Variants in ERC2 observed in about 807,000 individuals in gnomAD.
ERC2 encodes the protein ELKS/RAB6-interacting/CAST family member 2.
A neutral mutation model predicts 114.8 loss-of-function variants in ERC2; 42 were observed. That is an observed-to-expected ratio of 0.37 (90% CI 0.29 to 0.47). The LOEUF (loss-of-function observed/expected upper bound fraction) is 0.47, where lower values mean the gene tolerates loss of function less well. ERC2 is among the 20% of genes least tolerant of loss of function. ERC2 has a pLI of 0.99. For synonymous variants in ERC2, 454 were observed against 425.5 expected (o/e 1.07, Z -0.82); for missense variants, 939 against 1,150.7 (o/e 0.82, Z 2.66).
At chr3:56,456,171 G>T (rs1029248664) in intron 1 of ERC2, among the ~76,000 whole-genome samples, 5 of 152,196 alleles carry the variant, frequency 3.3e-5, no homozygotes, top group Non-Finnish European at 5.9e-5. Flanking sequence ...TTTAACAAAT[G>T]AAACCATGGG....
At chr3:55,932,292 T>A (rs190034617) in intron 13 of ERC2, among the ~76,000 whole-genome samples, 1 of 152,344 alleles carries the variant, frequency 6.6e-6, no homozygotes, top group Non-Finnish European at 1.5e-5. Context: ...AGAATTTCTA[T>A]GTACCGAGAA....
chr3:55,865,408 G>T (rs546245328), intron 14 of ERC2, among the ~76,000 whole-genome samples: 1 of 151,966 alleles, frequency 6.6e-6, no homozygotes, highest in African/African-American at 2.4e-5. Flanking sequence ...ACTATAACTC[G>T]TATGTCTTTG....
At chr3:55,605,019 C>A (rs187102300) in intron 17 of ERC2, among the ~76,000 whole-genome samples, 1 of 152,302 alleles carries the variant, frequency 6.6e-6, no homozygotes, top group East Asian at 1.9e-4. Flanking sequence ...TGCGAGGATG[C>A]CAGTGGCTCT....
intron 14 of ERC2, among the ~76,000 whole-genome samples, chr3:55,810,682 A>C (rs2059687793): frequency 6.6e-6 from 1 of 151,880 alleles, no homozygotes; most frequent in Admixed American, 6.6e-5. Flanking sequence ...CTGGTCTCAA[A>C]CTCCTGACCT....
intron 2 of ERC2, among the ~76,000 whole-genome samples, chr3:56,428,604 A>G (rs1017014362): frequency 4.6e-5 from 7 of 151,830 alleles, no homozygotes; most frequent in Non-Finnish European, 4.4e-5. Flanking sequence ...TTATACAAAT[A>G]AAACAAAGCA....
chr3:56,074,023 T>C (rs181109309), intron 7 of ERC2, among the ~76,000 whole-genome samples: 392 of 152,294 alleles, frequency 2.6e-3, no homozygotes, highest in Non-Finnish European at 4.5e-3. Flanking sequence ...AAAATTACAT[T>C]ATTTAGTGGC....
At chr3:55,640,733 G>C (rs2060142627) in intron 17 of ERC2, among the ~76,000 whole-genome samples, 1 of 152,164 alleles carries the variant, frequency 6.6e-6, no homozygotes, top group Admixed American at 6.5e-5. Flanking sequence ...GTCCTGTGTA[G>C]CTCAGCTACC....
At chr3:56,354,539 C>G (rs554269778) in intron 2 of ERC2, among the ~76,000 whole-genome samples, 52 of 152,238 alleles carry the variant, frequency 3.4e-4, no homozygotes, top group African/African-American at 1.1e-3. Flanking sequence ...GATTATCCAG[C>G]CCAAAGTATC....
At chr3:55,731,147 G>A (rs1313090641) in intron 15 of ERC2, among the ~76,000 whole-genome samples, 1 of 152,180 alleles carries the variant, frequency 6.6e-6, no homozygotes, top group Non-Finnish European at 1.5e-5. Flanking sequence ...TGGGGTCCAG[G>A]GTTTCTGACA....
In ERC2 at chr3:56,041,950, C is replaced by T. The variant is rs2075216946; in HGVS notation, c.1642-22919G>A. 3.3e-5 allele frequency among the ~76,000 whole-genome samples: 5 copies of T among 151,530 alleles called. No individual in the cohort carries two copies. In the South Asian group the frequency reaches 1.0e-3, roughly 32 times the overall value. ...TTAAAAACAGATTATTTTTCACTTA[C>T]TCTTTGAAAATACCATCAATGATTT... On this transcript the variant is annotated intron_variant, in intron 7 of 17. Coordinates refer to ENST00000288221, the MANE Select transcript of ERC2 (RefSeq NM_015576.3).
At chr3:55,804,105 T>C (rs947063240) in intron 14 of ERC2, among the ~76,000 whole-genome samples, 1 of 152,228 alleles carries the variant, frequency 6.6e-6, no homozygotes, top group Admixed American at 6.5e-5. Context: ...TTTTCAAATA[T>C]TAGAAAGTCT....
In ERC2 at chr3:55,712,399, G is replaced by A. The variant is rs62249282; in HGVS notation, c.2713-12887C>T. 9.3e-3 allele frequency among the ~76,000 whole-genome samples: 1,423 copies of A among 152,322 alleles called. 12 individuals carry two copies. Among genetic ancestry groups the A allele is most frequent in the Middle Eastern group, 0.024 (7 of 294 alleles). On this transcript the variant is annotated intron_variant, in intron 15 of 17. Coordinates refer to ENST00000288221, the MANE Select transcript of ERC2 (RefSeq NM_015576.3). ...AAGAGAAAAGGGGGGAAAGTGGTAG[G>A]TAGTTGATATGCTGGGATGTGAACA...
intron 13 of ERC2, among the ~76,000 whole-genome samples, chr3:55,920,606 C>A (rs900159989): frequency 1.3e-5 from 2 of 152,020 alleles, no homozygotes; most frequent in Admixed American, 6.6e-5. Flanking sequence ...TATCTTAATT[C>A]TATTTTAATA....
chr3:56,051,392 G>C lies in ERC2; in HGVS notation c.1641+29425C>G, dbSNP rs568770262. The stretch of plus-strand genomic sequence containing the variant: ...GAAACTTGGCAAATAATGATGGACT[G>C]CCTTCACACATATTTTTTAGAAAAA... On this transcript the variant is annotated intron_variant, in intron 7 of 17. Coordinates refer to ENST00000288221, the MANE Select transcript of ERC2 (RefSeq NM_015576.3). Among the ~76,000 whole-genome samples, 6 of 152,250 alleles carry C rather than the reference G, an allele frequency of 3.9e-5. No homozygotes were observed. In the East Asian group the frequency reaches 9.7e-4, roughly 25 times the overall value.
At chr3:56,241,062 A>C (rs1437967922) in intron 3 of ERC2, among the ~76,000 whole-genome samples, 1 of 152,160 alleles carries the variant, frequency 6.6e-6, no homozygotes, top group Non-Finnish European at 1.5e-5. Flanking sequence ...ACTTACAATT[A>C]AGAGATCACA....
intron 4 of ERC2, among the ~76,000 whole-genome samples, chr3:56,172,112 AC>A (rs1222695842): frequency 6.6e-6 from 1 of 151,188 alleles, no homozygotes; most frequent in Non-Finnish European, 1.5e-5. Context: ...ATTATGAACC[AC>A]TGGCCTACCA....
rs1487785734 is a variant in ERC2 at position 55,525,963 on chromosome 3, G to A, written c.*40-14687C>T. Among the ~76,000 whole-genome samples the A allele has an allele frequency of 2.6e-5, 4 of 152,146 alleles. No homozygotes were observed. In the South Asian group the frequency reaches 6.2e-4, roughly 24 times the overall value. ...TGAATGTGACCTTGTTTGGAAATAG[G>A]GTCTTTGCAGATATATTTGAATTAA... is the stretch of plus-strand genomic sequence containing the variant. On this transcript the variant is annotated intron_variant, in intron 17 of 17. Coordinates refer to ENST00000288221, the MANE Select transcript of ERC2 (RefSeq NM_015576.3).
intron 6 of ERC2, among the ~76,000 whole-genome samples, chr3:56,132,565 A>T (rs1260201506): frequency 6.6e-6 from 1 of 152,228 alleles, no homozygotes; most frequent in Non-Finnish European, 1.5e-5. Flanking sequence ...TGAACCCAGG[A>T]GGCGGAGCTT....
chr3:56,345,037 A>C (rs866964617), intron 2 of ERC2, among the ~76,000 whole-genome samples: 2 of 152,334 alleles, frequency 1.3e-5, no homozygotes, highest in Middle Eastern at 6.8e-3. Flanking sequence ...TATTTATGGC[A>C]CTGAAATCAG....
Sources: gnomAD v4.1 joint callset for allele counts (sites outside exome capture counted in the v4.1 genomes callset) on GRCh38, gnomAD v4.1.1 for gene constraint, MANE v1.5 for transcripts, NCBI Gene and HGNC (gene_info 2026-07-23, HGNC 2026-07-21) for gene names.